Variants in CADM2 observed in about 807,000 individuals in gnomAD.
CADM2 encodes immunoglobulin superfamily member 4D.
A neutral mutation model predicts 49.8 loss-of-function variants in CADM2; 12 were observed. The ratio of observed to expected loss-of-function variants is 0.24; its 90% confidence interval spans 0.15 to 0.39. The LOEUF (loss-of-function observed/expected upper bound fraction) is 0.39, where lower values mean the gene tolerates loss of function less well. Among genes scored for constraint, CADM2 ranks in the 10% least tolerant of loss-of-function variants. CADM2 has a pLI of 1.00. For synonymous variants in CADM2, 214 were observed against 175.4 expected, an observed-to-expected ratio of 1.22 and a Z score of -1.74; for missense variants, 378 against 492.3, an observed-to-expected ratio of 0.77 and a Z score of 2.20.
At chr3:85,126,944 T>C (rs1448196508) in intron 1 of CADM2, among the ~76,000 whole-genome samples, 1 of 152,126 alleles carries the variant, frequency 6.6e-6, no homozygotes, top group African/African-American at 2.4e-5. Context: ...AATAGGTGTA[T>C]GGTATGTGCA....
chr3:86,054,653 A>G (rs769840898), intron 8 of CADM2, among the ~76,000 whole-genome samples: 2 of 152,036 alleles, frequency 1.3e-5, no homozygotes, highest in South Asian at 2.1e-4. Flanking sequence ...AAATTCTTCT[A>G]TACTATTTTT....
chr3:85,385,587 G>C (rs1010467008), intron 1 of CADM2: 1 of 151,928 alleles, frequency 6.6e-6, no homozygotes, highest in Non-Finnish European at 1.5e-5. Flanking sequence ...AGTTTTGGCA[G>C]GTTCATGTTG....
At chr3:86,033,684 TA>T (rs1734813591) in intron 8 of CADM2, among the ~76,000 whole-genome samples, 1 of 146,404 alleles carries the variant, frequency 6.8e-6, no homozygotes, top group Admixed American at 6.9e-5. Flanking sequence ...TATATATATA[TA>T]TGAGATAGTT....
intron 1 of CADM2, among the ~76,000 whole-genome samples, chr3:85,465,946 G>T (rs2038472380): frequency 6.6e-6 from 1 of 152,150 alleles, no homozygotes; most frequent in South Asian, 2.1e-4. Context: ...CATATGAAGT[G>T]CTTGCATTTA....
At chr3:85,683,642 T>C (rs114906451) in intron 1 of CADM2, among the ~76,000 whole-genome samples, 2,781 of 152,294 alleles carry the variant, frequency 0.018, 38 homozygotes, top group Non-Finnish European at 0.027. Context: ...ATAATTATAG[T>C]AACATTTAAT....
At chr3:85,611,219 G>A (rs1375605506) in intron 1 of CADM2, among the ~76,000 whole-genome samples, 2 of 150,204 alleles carry the variant, frequency 1.3e-5, no homozygotes, top group Admixed American at 6.7e-5. Flanking sequence ...ATATTAAAGT[G>A]TTTAATCATT....
intron 5 of CADM2, among the ~76,000 whole-genome samples, chr3:85,897,531 A>T (rs532919671): frequency 1.4e-4 from 21 of 150,696 alleles, no homozygotes; most frequent in African/African-American, 4.1e-4. Context: ...GGCCTCCCAA[A>T]GTGCTGGGAT....
At chr3:85,065,091 A>C (rs1349017840) in intron 1 of CADM2, among the ~76,000 whole-genome samples, 1 of 152,234 alleles carries the variant, frequency 6.6e-6, no homozygotes, top group African/African-American at 2.4e-5. Flanking sequence ...TTAATAGATA[A>C]TACTAATTTT....
At chr3:85,545,411 G>A (rs1346079432) in intron 1 of CADM2, among the ~76,000 whole-genome samples, 1 of 152,024 alleles carries the variant, frequency 6.6e-6, no homozygotes, top group Non-Finnish European at 1.5e-5. Flanking sequence ...TAATATATAG[G>A]AAAATTTTAG....
At chr3:85,974,721 A>C (rs929431794) in intron 8 of CADM2, among the ~76,000 whole-genome samples, 1 of 151,654 alleles carries the variant, frequency 6.6e-6, no homozygotes, top group African/African-American at 2.4e-5. Flanking sequence ...TTTACATTGC[A>C]TTTATTGGCA....
intron 1 of CADM2, among the ~76,000 whole-genome samples, chr3:85,299,346 G>T (rs917344947): frequency 4.6e-5 from 7 of 151,854 alleles, no homozygotes; most frequent in African/African-American, 1.2e-4. Context: ...AAGTATTTCG[G>T]GCTTTTTATC....
chr3:85,692,293 G>A (rs547163158), intron 1 of CADM2, among the ~76,000 whole-genome samples: 31 of 152,162 alleles, frequency 2.0e-4, no homozygotes, highest in Admixed American at 6.5e-4. Flanking sequence ...GACTGATCAG[G>A]GTAGGCTGAA....
intron 2 of CADM2, among the ~76,000 whole-genome samples, chr3:85,762,613 C>CTCTG (rs1553682287): frequency 2.1e-4 from 31 of 148,078 alleles, no homozygotes; most frequent in African/African-American, 6.0e-4. Context: ...CTCTCTCTCT[C>CTCTG]TCTCTCTCTG....
chr3:85,769,258 T>TATGTACACAC, intron 2 of CADM2, among the ~76,000 whole-genome samples: 1 of 107,970 alleles, frequency 9.3e-6, no homozygotes, highest in East Asian at 2.4e-4. Flanking sequence ...ATATATAGTA[T>TATGTACACAC]ATATACACAT....
intron 1 of CADM2, among the ~76,000 whole-genome samples, chr3:85,205,240 C>T (rs1379252985): frequency 6.6e-6 from 1 of 152,062 alleles, no homozygotes; most frequent in Non-Finnish European, 1.5e-5. Context: ...TCAGGCTGAT[C>T]TCAAACTCCT....
chr3:85,003,287 C>G (rs2033563124), intron 1 of CADM2, among the ~76,000 whole-genome samples: 1 of 151,994 alleles, frequency 6.6e-6, no homozygotes, highest in Admixed American at 6.6e-5. Context: ...TTAAAGAAAA[C>G]CTACTTCAGA....
At chr3:85,304,634 T>C (rs2044172567) in intron 1 of CADM2, among the ~76,000 whole-genome samples, 1 of 151,806 alleles carries the variant, frequency 6.6e-6, no homozygotes, top group African/African-American at 2.4e-5. Flanking sequence ...ATAACTCACC[T>C]TTCTTTTGAC....
intron 8 of CADM2, among the ~76,000 whole-genome samples, chr3:85,978,419 C>G (rs913635371): frequency 2.0e-5 from 3 of 151,568 alleles, no homozygotes; most frequent in African/African-American, 7.3e-5. Flanking sequence ...TCAGTAACCC[C>G]TCCTAGGTAT....
At chr3:85,027,686 A>C (rs902536654) in intron 1 of CADM2, among the ~76,000 whole-genome samples, 1 of 152,172 alleles carries the variant, frequency 6.6e-6, no homozygotes, top group African/African-American at 2.4e-5. Context: ...TTAGATAATT[A>C]CCTTAAGCTA....
Sources: allele counts gnomAD v4.1 joint callset (sites outside exome capture counted in the v4.1 genomes callset), GRCh38; gene constraint gnomAD v4.1.1; transcripts MANE v1.5; gene names NCBI Gene and HGNC (gene_info 2026-07-23, HGNC 2026-07-21).